Variants in SVEP1 observed in about 807,000 individuals in gnomAD.
The protein encoded by SVEP1 is sushi, von Willebrand factor type A, EGF and pentraxin domain-containing protein 1.
Under a neutral mutation model 367.3 loss-of-function variants are expected in SVEP1, and 164 were observed. The ratio of observed to expected loss-of-function variants is 0.45; its 90% confidence interval spans 0.39 to 0.51. The LOEUF (loss-of-function observed/expected upper bound fraction) is 0.51, where lower values mean the gene tolerates loss of function less well. Ranked by LOEUF, SVEP1 falls within the 20% of genes least tolerant of loss-of-function variation. The probability of loss-of-function intolerance (pLI) is 0.00; values close to 1 mark genes in which losing one functional copy is unlikely to be tolerated. For synonymous variants in SVEP1, 1,666 were observed against 1,611.6 expected, an observed-to-expected ratio of 1.03 and a Z score of -0.81; for missense variants, 4,117 against 4,425.3, an observed-to-expected ratio of 0.93 and a Z score of 1.98.
intron 41 of SVEP1, among the ~76,000 whole-genome samples, chr9:110,388,012 T>C (rs188170715): frequency 6.6e-6 from 1 of 152,328 alleles, no homozygotes; most frequent in African/African-American, 2.4e-5. Context: ...TCTGGCAACC[T>C]TACTTATAGC....
At chr9:110,438,616 G>A (rs1209352524) in intron 27 of SVEP1, among the ~76,000 whole-genome samples, 4 of 152,174 alleles carry the variant, frequency 2.6e-5, no homozygotes, top group Admixed American at 2.0e-4. Context: ...ATACTAAAAT[G>A]ACACTGAGAT....
intron 43 of SVEP1, among the ~76,000 whole-genome samples, chr9:110,383,557 T>TG (rs34448047): frequency 0.36 from 53,851 of 151,282 alleles, 9,956 homozygotes; most frequent in Middle Eastern, 0.56. Flanking sequence ...ACCCCTGTTG[T>TG]GGGGGGGTCT....
At chr9:110,412,169 A>T (rs1372659993) in intron 36 of SVEP1, among the ~76,000 whole-genome samples, 1 of 152,154 alleles carries the variant, frequency 6.6e-6, no homozygotes, top group East Asian at 1.9e-4. Flanking sequence ...GTGCTATTTG[A>T]CTCAAATATG....
Position 110,489,698 on chromosome 9 carries a change from C to T in SVEP1, c.1882G>A (p.Asp628Asn), listed in dbSNP as rs371107285. The T allele has an allele frequency of 1.2e-6, 2 of 1,613,422 alleles. No homozygotes were observed. The highest frequency in any genetic ancestry group is 1.7e-6 in the Non-Finnish European group (2 of 1,179,612). ...CAGCTGGCCTGGTTGCCGGATAGGT[C>T]AGTTGCCGTGTATACGATAGCAACA... ...GDVAIVYTAT[D>N]LSGNQASCIF... Residue 628 changes from aspartate (D) to asparagine (N), a missense_variant, in exon 9 of 48, where the codon GAC (aspartate) becomes AAC (asparagine). Physicochemically the swap from Asp to Asn is conservative, Grantham distance 23. Transcript: ENST00000374469.
intron 2 of SVEP1, 132 bp from the exon 3 acceptor site, chr9:110,546,423 G>T (rs1272663453): frequency 9.9e-7 from 1 of 1,007,380 alleles, no homozygotes; most frequent in Non-Finnish European, 1.4e-6. Flanking sequence ...ACTGCTTCCT[G>T]CTCCCACCCA....
chr9:110,400,907 A>T lies in SVEP1; in HGVS notation c.9769T>A (p.Tyr3257Asn). 6.2e-7 allele frequency: 1 copy of T among 1,613,916 alleles called. No homozygotes were observed. Among genetic ancestry groups the T allele is most frequent in the South Asian group, 1.1e-5 (1 of 91,080 alleles). Residue 3257 changes from tyrosine (Y) to asparagine (N), a missense_variant, in exon 40 of 48, where the codon TAC (tyrosine) becomes AAC (asparagine). By Grantham distance (143) the Tyr-to-Asn change is moderately radical. This residue lies in a region of SVEP1 where 1,765 missense variants were observed against 1,781.1 expected (regional missense o/e 0.99). Transcript: ENST00000374469. ...TAAATAATTGTGCTTTCAAAGGTGTATTTACTGCCAACCACAAATCCATGT... is the reference window on the plus strand; with the variant it reads ...TAAATAATTGTGCTTTCAAAGGTGTTTTTACTGCCAACCACAAATCCATGT... ...PEHGFVVGSKYTFESTIIYQC... is the reference protein window; with the variant it reads ...PEHGFVVGSKNTFESTIIYQC...
chr9:110,503,839 G>A (rs998679936), intron 5 of SVEP1, among the ~76,000 whole-genome samples: 1 of 151,934 alleles, frequency 6.6e-6, no homozygotes, highest in Non-Finnish European at 1.5e-5. Flanking sequence ...ATTAACATCA[G>A]TTTATTTTTG....
At chr9:110,373,631 T>TTTTTTTTTTTTTTTTTTTG (rs1564121570) in intron 46 of SVEP1, among the ~76,000 whole-genome samples, 1 of 152,080 alleles carries the variant, frequency 6.6e-6, no homozygotes, top group African/African-American at 2.4e-5. Flanking sequence ...CCCTATGTTT[T>TTTTTTTTTTTTTTTTTTTG]AAGTGGTGGC....
intron 22 of SVEP1, among the ~76,000 whole-genome samples, chr9:110,452,267 A>G (rs1416155978): frequency 2.0e-5 from 3 of 152,236 alleles, no homozygotes; most frequent in Non-Finnish European, 4.4e-5. Context: ...TGTCTAATAA[A>G]TAACATACAT....
chr9:110,481,699 GTTATTA>G (rs55646251), intron 11 of SVEP1, among the ~76,000 whole-genome samples: 5 of 150,978 alleles, frequency 3.3e-5, no homozygotes, highest in African/African-American at 7.3e-5. Flanking sequence ...CTGACTTGGA[GTTATTA>G]TTATTATTAT....
chr9:110,554,851 TACAC>T (rs1398208779), intron 1 of SVEP1, among the ~76,000 whole-genome samples: 2 of 152,236 alleles, frequency 1.3e-5, no homozygotes, highest in African/African-American at 2.4e-5. Flanking sequence ...CATACACAAA[TACAC>T]ACACATTTTT....
At chr9:110,534,596 C>G (rs935490048) in intron 3 of SVEP1, among the ~76,000 whole-genome samples, 4 of 152,154 alleles carry the variant, frequency 2.6e-5, no homozygotes, top group Admixed American at 1.3e-4. Context: ...TTTGAGGAAT[C>G]ATCACACTGC....
Position 110,369,440 on chromosome 9 carries a change from T to C in SVEP1, c.10694+483A>G, listed in dbSNP as rs1827244445. 3.3e-5 allele frequency among the ~76,000 whole-genome samples: 5 copies of C among 152,360 alleles called. No homozygotes were observed. In the South Asian group the frequency reaches 1.0e-3, roughly 32 times the overall value. ...CGTTTCTTATCAATTCAATACTATT[T>C]TTATTGTAATGAAGAACTTAAACAT... On this transcript the variant is annotated intron_variant, in intron 47 of 47. Coordinates refer to ENST00000374469, the MANE Select transcript of SVEP1 (RefSeq NM_153366.4).
intron 15 of SVEP1, among the ~76,000 whole-genome samples, 187 bp from the exon 16 acceptor site, chr9:110,471,784 ATTAAG>A (rs773121776): frequency 3.0e-4 from 46 of 152,348 alleles, no homozygotes; most frequent in Non-Finnish European, 4.7e-4. Flanking sequence ...TTAGTGAACA[ATTAAG>A]TTAAGTACAT....
chr9:110,547,504 G>A (rs979993286), intron 2 of SVEP1, among the ~76,000 whole-genome samples: 15 of 152,158 alleles, frequency 9.9e-5, no homozygotes, highest in African/African-American at 3.6e-4. Flanking sequence ...GAGCCTGGGA[G>A]GTGGAGGCTG....
chr9:110,412,546 G>T (rs554504815), intron 36 of SVEP1, among the ~76,000 whole-genome samples: 1 of 151,880 alleles, frequency 6.6e-6, no homozygotes, highest in African/African-American at 2.4e-5. Context: ...TGACAAATGG[G>T]ATCTAATTAA....
chr9:110,436,654 A>T, intron 27 of SVEP1, 150 bp from the exon 28 acceptor site: 1 of 1,150,982 alleles, frequency 8.7e-7, no homozygotes, highest in Non-Finnish European at 1.2e-6. Context: ...TGCAGGTTTT[A>T]TCAATAAGAA....
chr9:110,366,938 T>C (rs1485403261), intron 47 of SVEP1, among the ~76,000 whole-genome samples: 1 of 152,234 alleles, frequency 6.6e-6, no homozygotes, highest in Non-Finnish European at 1.5e-5. Context: ...TTTCTGAAGA[T>C]GTGCACAGAG....
rs1209797822 is a variant in SVEP1 at position 110,455,585 on chromosome 9, C to T, written c.3787+5G>A. 2.5e-6 allele frequency: 4 copies of T among 1,606,992 alleles called. No homozygotes were observed. The highest frequency in any genetic ancestry group is 1.3e-5 in the African/African-American group (1 of 74,694). On this transcript the variant is annotated splice_donor_5th_base_variant and intron_variant, in intron 22 of 47. Coordinates refer to ENST00000374469, the MANE Select transcript of SVEP1 (RefSeq NM_153366.4). ...ATTGTTGAAAACAGGAGACCTTCCC[C>T]TTACCTGTGTAACCTGATGGGCACT...
Sources: gnomAD v4.1 joint callset for allele counts (sites outside exome capture counted in the v4.1 genomes callset) on GRCh38, gnomAD v4.1.1 for gene constraint, gnomAD v4.1.1 regional missense constraint, MANE v1.5 for transcripts, NCBI Gene and HGNC (gene_info 2026-07-23, HGNC 2026-07-21) for gene names.